USP20: variants seen among roughly 807,000 people sequenced by gnomAD.
USP20 encodes ubiquitin carboxyl-terminal hydrolase 20.
USP20 carries 80 observed loss-of-function variants against 124.2 expected under a neutral mutation model. The ratio of observed to expected loss-of-function variants is 0.64; its 90% CI spans 0.54 to 0.78. The LOEUF (loss-of-function observed/expected upper bound fraction) is 0.78, where lower values mean the gene tolerates loss of function less well. Ranked by LOEUF, USP20 falls within the 30% of genes least tolerant of loss-of-function variation. The probability of loss-of-function intolerance (pLI) is 0.00; values close to 1 mark genes in which losing one functional copy is unlikely to be tolerated. For missense variants in USP20, 1,043 were observed against 1,244.4 expected, an observed-to-expected ratio of 0.84 and a Z score of 2.44; for synonymous variants, 481 against 512.3, an observed-to-expected ratio of 0.94 and a Z score of 0.83.
chr9:129,867,992 C>A lies in USP20; in HGVS notation c.691-13C>A. On this transcript the variant is annotated splice_polypyrimidine_tract_variant and intron_variant, in intron 10 of 25. Transcript: ENST00000372429. ...CTCCAGGGGAGCCCTGTTGATGCAGCCCCTGGTTCTAGGACACCCAAGAGT... is the reference window on the plus strand; with the variant it reads ...CTCCAGGGGAGCCCTGTTGATGCAGACCCTGGTTCTAGGACACCCAAGAGT... The A allele has an allele frequency of 6.2e-7, 1 of 1,605,042 alleles. No homozygotes were observed. The highest frequency in any genetic ancestry group is 8.5e-7 in the Non-Finnish European group (1 of 1,174,594).
chr9:129,878,416 G>A lies in USP20; in HGVS notation c.2488G>A (p.Ala830Thr). Residue 830 changes from alanine to threonine, a missense_variant, in exon 23 of 26, where the codon GCG (alanine) becomes ACG (threonine). Coordinates refer to ENST00000372429, the MANE Select transcript of USP20 (RefSeq NM_001110303.4). ...ISMQWFREWE[A>T]FVKGKDNEPP... is the part of the protein sequence containing the mutation. Reference sequence around the variant, plus strand: ...CATGCAGTGGTTCCGGGAGTGGGAGGCGTTCGTCAAGGGGAAGGACAACGG... The same window carrying A: ...CATGCAGTGGTTCCGGGAGTGGGAGACGTTCGTCAAGGGGAAGGACAACGG... 6.2e-7 allele frequency: 1 copy of A among 1,609,870 alleles called. No individual in the cohort carries two copies. Among genetic ancestry groups the A allele is most frequent in the Non-Finnish European group, 8.5e-7 (1 of 1,177,790 alleles).
chr9:129,851,257 A>ATTTTTT (rs2032902033), intron 2 of USP20, among the ~76,000 whole-genome samples: 1 of 124,124 alleles, frequency 8.1e-6, no homozygotes, highest in African/African-American at 3.5e-5. Context: ...AATAACACAT[A>ATTTTTT]CTTTTTTTTT....
rs758400384 is a variant in USP20, at chr9:129,858,536, G to A, written c.268G>A (p.Val90Ile). 2.8e-5 allele frequency: 45 copies of A among 1,614,182 alleles called. No homozygotes were observed. Among genetic ancestry groups the A allele is most frequent in the African/African-American group, 1.5e-4 (11 of 75,064 alleles). The change falls in exon 6 of 26, where the codon GTA becomes ATA. Residue 90 changes from valine (V) to isoleucine (I), a missense_variant. Coordinates refer to ENST00000372429, the MANE Select transcript of USP20 (RefSeq NM_001110303.4). ...GTGGTGTTACGCCTGTGAGAAGGAG[G>A]TATTCCTGGAGCAGCGGCTGGCAGC... Reference protein sequence around the residue: ...RLWCYACEKEVFLEQRLAAPL... With the variant: ...RLWCYACEKEIFLEQRLAAPL...
At position 129,869,330 on chromosome 9, in the gene USP20, A is replaced by T. The variant is rs778686694; in HGVS notation, c.1297A>T (p.Ser433Cys). ...LKKAQVLSAG[S>C]RRRKEQRYRS... is the part of the protein sequence containing the mutation. The stretch of plus-strand genomic sequence containing the variant: ...CCCAGCCCAGGTATTGAGTGCTGGC[A>T]GCCGGAGGCGGAAGGAGCAGCGCTA... Residue 433 changes from serine (S) to cysteine (C), a missense_variant, in exon 13 of 26, where the codon AGC (serine) becomes TGC (cysteine). Transcript: ENST00000372429. 6.2e-6 allele frequency: 10 copies of T among 1,613,576 alleles called. No individual in the cohort carries two copies. Among genetic ancestry groups the T allele is most frequent in the Non-Finnish European group, 8.5e-6 (10 of 1,180,020 alleles).
At position 129,880,661 on chromosome 9, in the gene USP20, G is replaced by C. The variant is rs1056256700; in HGVS notation, c.*211G>C. 5.2e-6 allele frequency: 1 copy of C among 191,788 alleles called. No homozygotes were observed. Among genetic ancestry groups the C allele is most frequent in the Non-Finnish European group, 1.1e-5 (1 of 90,156 alleles). 11.9% of individuals were successfully genotyped at this position (191,788 alleles called of 1,614,324 possible). On this transcript the variant is annotated 3_prime_UTR_variant, in exon 26 of 26. Coordinates refer to ENST00000372429, the MANE Select transcript of USP20 (RefSeq NM_001110303.4). ...GTTAATTTGGGTCTTTGTCCTGGCA[G>C]TGCCTCTGCCAGTCACTGTCATCGT...
chr9:129,864,571 C>T (rs1371827887), intron 9 of USP20, among the ~76,000 whole-genome samples: 1 of 151,250 alleles, frequency 6.6e-6, no homozygotes, highest in Non-Finnish European at 1.5e-5. Context: ...GTCAGGAGTT[C>T]GAGACCAGCC....
intron 9 of USP20, among the ~76,000 whole-genome samples, chr9:129,864,111 A>AC (rs1189337273): frequency 6.6e-6 from 1 of 151,272 alleles, no homozygotes; most frequent in African/African-American, 2.4e-5. Flanking sequence ...TCTCAAAAAA[A>AC]AAAAAACAAA....
At chr9:129,853,687 T>C (rs10733699) in intron 3 of USP20, among the ~76,000 whole-genome samples, 131,856 of 152,256 alleles carry the variant, frequency 0.87, 57,652 homozygotes, top group East Asian at 1. Context: ...GAAGTGACTT[T>C]GCCTCTTGCA....
intron 1 of USP20, among the ~76,000 whole-genome samples, chr9:129,838,084 T>C (rs1437519794): frequency 6.6e-6 from 1 of 150,508 alleles, no homozygotes; most frequent in Non-Finnish European, 1.5e-5. Flanking sequence ...CTCAGTTGCC[T>C]AGGCTGGAGT....
chr9:129,836,029 C>T (rs1278010701), intron 1 of USP20, among the ~76,000 whole-genome samples: 1 of 152,124 alleles, frequency 6.6e-6, no homozygotes, highest in African/African-American at 2.4e-5. Context: ...GGGACTCCTC[C>T]TCGGTGCTTG....
intron 3 of USP20, among the ~76,000 whole-genome samples, chr9:129,852,981 C>T (rs867525548): frequency 2.6e-5 from 4 of 152,118 alleles, no homozygotes; most frequent in South Asian, 2.1e-4. Flanking sequence ...TCAGGGAAGC[C>T]TGAGCAGGAA....
Position 129,868,038 on chromosome 9 carries a change from C to T in USP20, c.724C>T (p.Gln242Ter), listed in dbSNP as rs867919929. Residue 242 changes from glutamine to a stop codon, truncating the protein, a stop_gained, in exon 11 of 26, where the codon CAG becomes TAG. Coordinates refer to ENST00000372429, the MANE Select transcript of USP20 (RefSeq NM_001110303.4). LOFTEE classifies it high-confidence loss of function. ...AGAGTTCCTTCGCTGCCTGATGGAC[C>T]AGCTGCACGAGGAGCTCAAGGAGCC... is the stretch of plus-strand genomic sequence containing the variant. ...TQEFLRCLMD[Q>*]LHEELKEPVV... 6.2e-7 allele frequency: 1 copy of T among 1,614,032 alleles called. No homozygotes were observed. The highest frequency in any genetic ancestry group is 1.7e-5 in the Admixed American group (1 of 60,032).
At chr9:129,876,852 C>G (rs1182315740) in intron 22 of USP20, among the ~76,000 whole-genome samples, 3 of 151,938 alleles carry the variant, frequency 2.0e-5, no homozygotes, top group Non-Finnish European at 4.4e-5. Flanking sequence ...ATTGTGGGGC[C>G]GTCCTGTGCA....
intron 2 of USP20, 53 bp from the exon 3 acceptor site, chr9:129,852,487 C>T (rs2032977221): frequency 6.6e-7 from 1 of 1,514,426 alleles, no homozygotes; most frequent in African/African-American, 1.4e-5. Flanking sequence ...ACCTCCCCAC[C>T]TCCTGCCAAC....
intron 10 of USP20, 151 bp from the exon 11 acceptor site, chr9:129,867,854 G>A: frequency 8.8e-6 from 8 of 907,798 alleles, no homozygotes; most frequent in Non-Finnish European, 1.3e-5. Flanking sequence ...GACTGCCATG[G>A]GAGGCCGCTG....
At chr9:129,849,722 C>G (rs910640767) in intron 1 of USP20, 91 bp from the exon 2 acceptor site, 1 of 152,444 alleles carries the variant, frequency 6.6e-6, no homozygotes, top group Non-Finnish European at 1.5e-5. Context: ...GTGATCATGC[C>G]ACTGCAACTC....
Position 129,874,666 on chromosome 9 carries a change from G to A in USP20, c.1831G>A (p.Asp611Asn), listed in dbSNP as rs118142639. The A allele has an allele frequency of 1.5e-3, 2,454 of 1,613,872 alleles. 3 individuals are homozygous for A. The highest frequency in any genetic ancestry group is 2.3e-3 in the East Asian group (103 of 44,870). Residue 611 changes from aspartate (D) to asparagine (N), a missense_variant, in exon 18 of 26, where the codon GAC (aspartate) becomes AAC (asparagine). Coordinates refer to ENST00000372429, the MANE Select transcript of USP20 (RefSeq NM_001110303.4). ...CGTCTCCTTCCCCCTCGAGGGGCTC[G>A]ACCTGCGCCCCTTCCTTGCCAAGGA... ...SHVSFPLEGL[D>N]LRPFLAKECT...
chr9:129,869,196 C>T, intron 12 of USP20, 114 bp from the exon 13 acceptor site: 1 of 1,332,958 alleles, frequency 7.5e-7, no homozygotes. Flanking sequence ...ATTGCTTACC[C>T]AGTCATGTGA....
chr9:129,868,837 A>G (rs769586884), intron 11 of USP20, 25 bp from the exon 12 acceptor site: 3 of 1,527,002 alleles, frequency 2.0e-6, no homozygotes, highest in African/African-American at 2.8e-5. Context: ...GCCCTGGCCC[A>G]GCATGGTACC....
Sources: allele counts gnomAD v4.1 joint callset (sites outside exome capture counted in the v4.1 genomes callset), GRCh38; gene constraint gnomAD v4.1.1; transcripts MANE v1.5; gene names NCBI Gene and HGNC (gene_info 2026-07-23, HGNC 2026-07-21).